Variants in CACNA1B observed in about 807,000 individuals in gnomAD.
CACNA1B encodes the protein calcium voltage-gated channel subunit alpha1 B.
CACNA1B carries 70 observed loss-of-function variants against 247.2 expected under a neutral mutation model. The ratio of observed to expected loss-of-function variants is 0.28; its 90% CI spans 0.23 to 0.35. The LOEUF is 0.35. CACNA1B is among the 10% of genes least tolerant of loss of function. CACNA1B has a pLI of 1.00. For missense variants in CACNA1B, 2,367 were observed against 3,197.4 expected, an observed-to-expected ratio of 0.74 and a Z score of 6.26; for synonymous variants, 1,231 against 1,294.4, an observed-to-expected ratio of 0.95 and a Z score of 1.05.
intron 10 of CACNA1B, among the ~76,000 whole-genome samples, chr9:137,959,114 C>G (rs970571541): frequency 2.6e-5 from 4 of 151,574 alleles, no homozygotes; most frequent in Admixed American, 6.6e-5. Context: ...CTCTTGTTGC[C>G]CAGGCTGGAG....
At chr9:138,065,899 A>G (rs1589107445) in intron 31 of CACNA1B, among the ~76,000 whole-genome samples, 2 of 152,124 alleles carry the variant, frequency 1.3e-5, no homozygotes, top group Non-Finnish European at 2.9e-5. Flanking sequence ...TTTTAATGCT[A>G]CAGCACACCA....
intron 34 of CACNA1B, among the ~76,000 whole-genome samples, chr9:138,074,333 T>C (rs546563418): frequency 1.2e-3 from 182 of 151,972 alleles, no homozygotes; most frequent in Non-Finnish European, 2.0e-3. Flanking sequence ...CTCTGCCTGC[T>C]AGGTTCAAGC....
chr9:137,882,215 G>T lies in CACNA1B; in HGVS notation c.391-529G>T, dbSNP rs1375019681. Among the ~76,000 whole-genome samples the T allele has an allele frequency of 6.6e-6, 1 of 152,204 alleles. No individual in the cohort carries two copies. Among genetic ancestry groups the T allele is most frequent in the Non-Finnish European group, 1.5e-5 (1 of 68,042 alleles). ...GCTGTATCCAGGCAACCTTGTGCAG[G>T]TTCCCACCCAGAGGCTGCTGTGGCC... On this transcript the variant is annotated intron_variant, in intron 2 of 46. Coordinates refer to ENST00000371372, the MANE Select transcript of CACNA1B (RefSeq NM_000718.4). The surrounding 1 kb of genome is among the most constrained non-coding windows in gnomAD (Gnocchi z 4.0).
chr9:137,972,838 C>G (rs1958170325), intron 11 of CACNA1B, among the ~76,000 whole-genome samples: 1 of 152,200 alleles, frequency 6.6e-6, no homozygotes, highest in South Asian at 2.1e-4. Flanking sequence ...GCTCAGGCTC[C>G]CTGGGCGGCT....
intron 38 of CACNA1B, among the ~76,000 whole-genome samples, chr9:138,103,228 C>G (rs1012978645): frequency 3.3e-5 from 5 of 152,324 alleles, no homozygotes; most frequent in African/African-American, 1.2e-4. Context: ...CTGTCCAGCC[C>G]TCTGGGTCTG....
At chr9:138,021,603 C>T (rs568058868) in intron 18 of CACNA1B, among the ~76,000 whole-genome samples, 91 of 152,358 alleles carry the variant, frequency 6.0e-4, no homozygotes, top group Non-Finnish European at 4.6e-4. Flanking sequence ...GTTGTTAGTG[C>T]AGTTGGGGTC....
chr9:138,017,720 A>G (rs1958810973), intron 18 of CACNA1B, among the ~76,000 whole-genome samples: 1 of 152,224 alleles, frequency 6.6e-6, no homozygotes, highest in Non-Finnish European at 1.5e-5. Context: ...AGCTCACAGT[A>G]GACCACCCAG....
At position 137,973,011 on chromosome 9, in the gene CACNA1B, G is replaced by A. The variant is rs117727089; in HGVS notation, c.1543+1419G>A. 3.1e-4 allele frequency among the ~76,000 whole-genome samples: 47 copies of A among 152,292 alleles called. No homozygotes were observed. In the East Asian group the frequency reaches 8.9e-3, roughly 29 times the overall value. On this transcript the variant is annotated intron_variant, in intron 11 of 46. Coordinates refer to ENST00000371372, the MANE Select transcript of CACNA1B (RefSeq NM_000718.4). This position sits in a 1 kb window ranked among gnomAD's most constrained non-coding sequence, Gnocchi z 4.1. Reference sequence around the variant, plus strand: ...GTTTTCCCACCCTTGGGGGTCAGGTGGGGACCAAGGACTTCCTCCTGACCC... The same window carrying A: ...GTTTTCCCACCCTTGGGGGTCAGGTAGGGACCAAGGACTTCCTCCTGACCC...
chr9:137,932,339 TG>T (rs1382991994), intron 6 of CACNA1B, among the ~76,000 whole-genome samples: 1 of 152,222 alleles, frequency 6.6e-6, no homozygotes, highest in East Asian at 1.9e-4. Context: ...AATTGGTTGT[TG>T]GGAGCTACAT....
chr9:138,023,585 G>A lies in CACNA1B; in HGVS notation c.2842G>A (p.Ala948Thr). The change falls in exon 19 of 47, where the codon GCC becomes ACC. Residue 948 changes from alanine to threonine, a missense_variant. Around this residue, in one of 12 missense-constraint regions of CACNA1B, gnomAD observed 631 missense variants for 631.1 expected, o/e 1.00. Coordinates refer to ENST00000371372, the MANE Select transcript of CACNA1B (RefSeq NM_000718.4). ...HRHQDPSKEC[A>T]GAKGERRARH... ...GCACCAGGATCCGAGCAAGGAGTGC[G>A]CCGGCGCCAAGGGCGAGCGGCGCGC... 1 of 1,080,398 alleles carries A rather than the reference G, an allele frequency of 9.3e-7. No individual in the cohort carries two copies. The highest frequency in any genetic ancestry group is 1.1e-6 in the Non-Finnish European group (1 of 888,210). 66.9% of individuals were successfully genotyped at this position (1,080,398 alleles called of 1,614,324 possible). A position where few individuals can be genotyped will look rare whatever the true frequency, so the allele number is the denominator to read the frequency against.
chr9:137,925,032 G>A (rs986568742), intron 6 of CACNA1B, among the ~76,000 whole-genome samples: 6 of 152,218 alleles, frequency 3.9e-5, no homozygotes, highest in East Asian at 1.9e-4. Flanking sequence ...TGTCCGACCC[G>A]TGTCTGGTTT....
At position 137,955,998 on chromosome 9, in the gene CACNA1B, T is replaced by C. The variant is rs894175311; in HGVS notation, c.1186+185T>C. Among the ~76,000 whole-genome samples, 4 of 152,202 alleles carry C rather than the reference T, an allele frequency of 2.6e-5. No individual in the cohort carries two copies. Among genetic ancestry groups the C allele is most frequent in the African/African-American group, 9.7e-5 (4 of 41,442 alleles). On this transcript the variant is annotated intron_variant, in intron 8 of 46. Coordinates refer to ENST00000371372, the MANE Select transcript of CACNA1B (RefSeq NM_000718.4). This position sits in a 1 kb window ranked among gnomAD's most constrained non-coding sequence, Gnocchi z 6.9. ...AGGGGCCTGGCACCAGGCAGCCATA[T>C]GGCTCTGAGGACAGTGGCCTTTTAA...
intron 31 of CACNA1B, among the ~76,000 whole-genome samples, chr9:138,066,450 A>AAGAG (rs141235335): frequency 6.6e-6 from 1 of 150,448 alleles, no homozygotes; most frequent in Non-Finnish European, 1.5e-5. Flanking sequence ...CTAAAAAAAT[A>AAGAG]AGAGAGAGAG....
chr9:137,928,257 C>T (rs1220327056), intron 6 of CACNA1B, among the ~76,000 whole-genome samples: 1 of 152,162 alleles, frequency 6.6e-6, no homozygotes, highest in Non-Finnish European at 1.5e-5. Flanking sequence ...ACCACCACGC[C>T]TGGCTAATTT....
In CACNA1B at chr9:138,012,947, C is replaced by A. The variant is rs748453345; in HGVS notation, c.2161-182C>A. 6.6e-6 allele frequency among the ~76,000 whole-genome samples: 1 copy of A among 152,068 alleles called. No homozygotes were observed. The highest frequency in any genetic ancestry group is 1.5e-5 in the Non-Finnish European group (1 of 68,020). Reference sequence around the variant, plus strand: ...CCCTGGAGAGCACCAGAGACAGCTCCTGTGGAACAGGTCGTGGGGGGCCAC... The same window carrying A: ...CCCTGGAGAGCACCAGAGACAGCTCATGTGGAACAGGTCGTGGGGGGCCAC... On this transcript the variant is annotated intron_variant, in intron 17 of 46. Transcript: ENST00000371372. The surrounding 1 kb of genome is among the most constrained non-coding windows in gnomAD (Gnocchi z 4.2).
intron 15 of CACNA1B, among the ~76,000 whole-genome samples, chr9:138,001,008 T>G (rs1399624114): frequency 6.6e-6 from 1 of 152,208 alleles, no homozygotes; most frequent in East Asian, 1.9e-4. Flanking sequence ...ATTTTGGTGT[T>G]TTTTTATCTG....
Position 138,072,483 on chromosome 9 carries a change from A to G in CACNA1B, c.4675-1005A>G, listed in dbSNP as rs1960166786. On this transcript the variant is annotated intron_variant, in intron 32 of 46. Transcript: ENST00000371372. This position sits in a 1 kb window ranked among gnomAD's most constrained non-coding sequence, Gnocchi z 4.5. Reference sequence around the variant, plus strand: ...CTCATTTGACATCTGTGTTCTCTTTATTTGATGACTGAATCTGACAACACG... The same window carrying G: ...CTCATTTGACATCTGTGTTCTCTTTGTTTGATGACTGAATCTGACAACACG... 1.3e-5 allele frequency among the ~76,000 whole-genome samples: 2 copies of G among 152,210 alleles called. No individual in the cohort carries two copies. Among genetic ancestry groups the G allele is most frequent in the South Asian group, 2.1e-4 (1 of 4,834 alleles).
intron 39 of CACNA1B, among the ~76,000 whole-genome samples, chr9:138,112,185 T>G (rs1042216859): frequency 1.3e-5 from 2 of 152,042 alleles, no homozygotes; most frequent in Non-Finnish European, 2.9e-5. Flanking sequence ...CTCACCTGCC[T>G]CCTCCTCTGG....
intron 22 of CACNA1B, 23 bp downstream of exon 22, chr9:138,047,056 T>G (rs1430729205): frequency 1.3e-6 from 2 of 1,592,960 alleles, no homozygotes; most frequent in Non-Finnish European, 1.7e-6. Flanking sequence ...GATGGCCGGG[T>G]CCCCGCCAGG....
Sources: allele counts gnomAD v4.1 joint callset (sites outside exome capture counted in the v4.1 genomes callset), GRCh38; gene constraint gnomAD v4.1.1; regional missense constraint gnomAD v4.1.1; non-coding constraint Gnocchi (gnomAD v3.1); transcripts MANE v1.5; gene names NCBI Gene and HGNC (gene_info 2026-07-23, HGNC 2026-07-21).